NAV3: variants seen among roughly 807,000 people sequenced by gnomAD.
The protein encoded by NAV3 is pore membrane and/or filament interacting like protein 1.
NAV3 carries 87 observed loss-of-function variants against 244.7 expected under a neutral mutation model. The observed-to-expected ratio is 0.36, with a 90% CI of 0.30 to 0.42. The LOEUF (loss-of-function observed/expected upper bound fraction) is 0.42, where lower values mean the gene tolerates loss of function less well. Among genes scored for constraint, NAV3 ranks in the 20% least tolerant of loss-of-function variants. The pLI is 1.00. For missense variants in NAV3, 2,663 were observed against 2,893.3 expected (o/e 0.92, Z 1.83); for synonymous variants, 1,126 against 1,042.2 (o/e 1.08, Z -1.55).
chr12:77,770,837 C>T (rs1870039715), intron 2 of NAV3, among the ~76,000 whole-genome samples: 1 of 152,166 alleles, frequency 6.6e-6, no homozygotes. Context: ...CAATACCATT[C>T]AGGAAATAAG....
chr12:78,013,890 C>CT (rs1295427683), intron 8 of NAV3, among the ~76,000 whole-genome samples: 1 of 151,766 alleles, frequency 6.6e-6, no homozygotes, highest in Non-Finnish European at 1.5e-5. Flanking sequence ...TTTAAAACTC[C>CT]TTTTTTTATT....
At chr12:78,026,512 G>A (rs939568107) in intron 9 of NAV3, among the ~76,000 whole-genome samples, 1 of 151,830 alleles carries the variant, frequency 6.6e-6, no homozygotes, top group Non-Finnish European at 1.5e-5. Flanking sequence ...TATATTTTTG[G>A]CTCCAGAAGT....
chr12:77,701,190 C>A (rs917855641), intron 2 of NAV3, among the ~76,000 whole-genome samples: 1 of 151,678 alleles, frequency 6.6e-6, no homozygotes, highest in African/African-American at 2.4e-5. Flanking sequence ...ATGGAGTTTT[C>A]TTTGTAGAAT....
intron 2 of NAV3, among the ~76,000 whole-genome samples, chr12:77,577,867 T>C (rs561964282): frequency 1.7e-4 from 26 of 152,190 alleles, no homozygotes; most frequent in Non-Finnish European, 2.9e-4. Context: ...AACATTTTTC[T>C]TCTAAAATAT....
intron 2 of NAV3, among the ~76,000 whole-genome samples, chr12:77,651,368 T>TA (rs371185305): frequency 2.0e-4 from 30 of 152,216 alleles, no homozygotes; most frequent in African/African-American, 6.5e-4. Flanking sequence ...TCTTGTGTTT[T>TA]ATCCATTTTG....
At chr12:77,611,311 G>C (rs1870904112) in intron 2 of NAV3, among the ~76,000 whole-genome samples, 1 of 151,730 alleles carries the variant, frequency 6.6e-6, no homozygotes, top group Non-Finnish European at 1.5e-5. Context: ...GCTTTTCCTT[G>C]AGTTGGAAAA....
intron 2 of NAV3, among the ~76,000 whole-genome samples, chr12:77,746,924 A>G (rs1248408965): frequency 6.6e-6 from 1 of 152,114 alleles, no homozygotes; most frequent in Non-Finnish European, 1.5e-5. Context: ...TTAAAATGCA[A>G]AGAAAAATGA....
chr12:78,029,189 A>T (rs561212857), intron 9 of NAV3, among the ~76,000 whole-genome samples: 1 of 152,222 alleles, frequency 6.6e-6, no homozygotes, highest in African/African-American at 2.4e-5. Context: ...CAAAAAAAAA[A>T]AAAAAAATAC....
intron 12 of NAV3, among the ~76,000 whole-genome samples, chr12:78,087,020 T>C (rs1953673388): frequency 6.6e-6 from 1 of 152,162 alleles, no homozygotes; most frequent in South Asian, 2.1e-4. Flanking sequence ...TCTTTTATGT[T>C]ATTTTTGTGG....
At chr12:77,610,993 T>C (rs1870887503) in intron 2 of NAV3, among the ~76,000 whole-genome samples, 1 of 145,418 alleles carries the variant, frequency 6.9e-6, no homozygotes, top group African/African-American at 2.5e-5. Context: ...AAACCTCCAT[T>C]AGAAAAAAAA....
At chr12:78,160,406 T>TGTGTGTGTGTGTGTGTGTGC (rs1555184853) in intron 23 of NAV3, among the ~76,000 whole-genome samples, 9 of 138,820 alleles carry the variant, frequency 6.5e-5, no homozygotes, top group Non-Finnish European at 1.1e-4. Flanking sequence ...TGTGCGTGCG[T>TGTGTGTGTGTGTGTGTGTGC]GTGTGTGTGT....
At chr12:77,642,004 G>A (rs1230738687) in intron 2 of NAV3, among the ~76,000 whole-genome samples, 2 of 152,010 alleles carry the variant, frequency 1.3e-5, no homozygotes, top group Non-Finnish European at 2.9e-5. Context: ...TAAATAGATC[G>A]GCAGCCAGGC....
At chr12:78,017,706 T>G (rs1157852246) in intron 8 of NAV3, among the ~76,000 whole-genome samples, 2 of 152,176 alleles carry the variant, frequency 1.3e-5, no homozygotes, top group Non-Finnish European at 2.9e-5. Context: ...ACTTTCTGAT[T>G]AGAAAACACT....
At chr12:77,874,327 T>G (rs922964591) in intron 1 of NAV3, among the ~76,000 whole-genome samples, 1 of 152,066 alleles carries the variant, frequency 6.6e-6, no homozygotes, top group Non-Finnish European at 1.5e-5. Flanking sequence ...CAAGCAATCC[T>G]CCAGCCTCAG....
chr12:78,090,160 CATATATATATGTGTAA>C (rs1307845871), intron 12 of NAV3, among the ~76,000 whole-genome samples: 1 of 149,180 alleles, frequency 6.7e-6, no homozygotes, highest in East Asian at 1.9e-4. Context: ...CAAATACATA[CATATATATATGTGTAA>C]ATATATATGT....
intron 2 of NAV3, among the ~76,000 whole-genome samples, chr12:77,788,589 C>T (rs915288797): frequency 6.7e-6 from 1 of 150,252 alleles, no homozygotes; most frequent in Admixed American, 6.6e-5. Context: ...ACATGGAATA[C>T]TCTTAAAAGC....
At chr12:77,758,754 G>C (rs560725700) in intron 2 of NAV3, among the ~76,000 whole-genome samples, 15 of 152,270 alleles carry the variant, frequency 9.9e-5, no homozygotes, top group Admixed American at 7.2e-4. Context: ...AGAGATAGGG[G>C]AGAAATTACC....
At chr12:78,144,506 C>A (rs1463844188) in intron 20 of NAV3, among the ~76,000 whole-genome samples, 3 of 151,884 alleles carry the variant, frequency 2.0e-5, no homozygotes, top group Non-Finnish European at 2.9e-5. Flanking sequence ...TATGGTAACA[C>A]CCACCTGGTA....
chr12:78,077,501 T>A (rs1281302048), intron 12 of NAV3, among the ~76,000 whole-genome samples: 3 of 152,244 alleles, frequency 2.0e-5, no homozygotes, highest in African/African-American at 7.2e-5. Context: ...TTGGGTTTTT[T>A]CCATGGCCAT....
Sources: gnomAD v4.1 joint callset for allele counts (sites outside exome capture counted in the v4.1 genomes callset) on GRCh38, gnomAD v4.1.1 for gene constraint, MANE v1.5 for transcripts, NCBI Gene and HGNC (gene_info 2026-07-23, HGNC 2026-07-21) for gene names.